PLXDC2: variants seen among roughly 807,000 people sequenced by gnomAD.
The protein encoded by PLXDC2 is plexin domain-containing protein 2.
A neutral mutation model predicts 68.9 loss-of-function variants in PLXDC2; 40 were observed. That is an observed-to-expected ratio of 0.58 (90% CI 0.45 to 0.76). The LOEUF (loss-of-function observed/expected upper bound fraction) is 0.76. Ranked by LOEUF, PLXDC2 falls within the 30% of genes least tolerant of loss-of-function variation. PLXDC2 has a pLI of 0.00. For missense variants in PLXDC2, 644 were observed against 661.9 expected, an observed-to-expected ratio of 0.97 and a Z score of 0.30; for synonymous variants, 243 against 234.2, an observed-to-expected ratio of 1.04 and a Z score of -0.34.
chr10:20,146,372 C>T (rs887857253), intron 5 of PLXDC2, among the ~76,000 whole-genome samples: 5 of 150,806 alleles, frequency 3.3e-5, no homozygotes, highest in African/African-American at 1.2e-4. Flanking sequence ...CTCCTTCCTT[C>T]CTCCCTCCCT....
intron 1 of PLXDC2, among the ~76,000 whole-genome samples, chr10:19,891,702 T>C (rs911336676): frequency 1.1e-4 from 16 of 152,210 alleles, no homozygotes; most frequent in Admixed American, 6.5e-5. Flanking sequence ...CTAGGCATGA[T>C]TGAGGAAACT....
At chr10:20,211,773 A>G (rs1340486729) in intron 10 of PLXDC2, 44 bp downstream of exon 10, 1 of 1,573,840 alleles carries the variant, frequency 6.4e-7, no homozygotes, top group Non-Finnish European at 8.7e-7. Context: ...CCAAGCTGTC[A>G]TATACATGTG....
intron 13 of PLXDC2, among the ~76,000 whole-genome samples, chr10:20,263,041 C>A (rs969726732): frequency 6.6e-6 from 1 of 152,192 alleles, no homozygotes; most frequent in African/African-American, 2.4e-5. Flanking sequence ...CTTATTCACA[C>A]CTCCAAAAAG....
chr10:20,051,395 A>AATATATAT (rs57093355), intron 3 of PLXDC2, among the ~76,000 whole-genome samples: 122 of 118,438 alleles, frequency 1.0e-3, no homozygotes, highest in South Asian at 1.6e-3. Context: ...ATAAAGGTTA[A>AATATATAT]ATATATATAT....
chr10:19,933,085 G>C (rs1306143892), intron 1 of PLXDC2, among the ~76,000 whole-genome samples: 2 of 152,316 alleles, frequency 1.3e-5, no homozygotes, highest in East Asian at 3.9e-4. Flanking sequence ...AGTGTTGTTA[G>C]TTAGGCCTGG....
At chr10:20,171,250 T>C (rs1305032809) in intron 7 of PLXDC2, among the ~76,000 whole-genome samples, 1 of 152,184 alleles carries the variant, frequency 6.6e-6, no homozygotes, top group Non-Finnish European at 1.5e-5. Context: ...ATTTTCAAAG[T>C]TGTAGTCTTC....
At chr10:19,885,971 T>C (rs990239721) in intron 1 of PLXDC2, among the ~76,000 whole-genome samples, 1 of 152,188 alleles carries the variant, frequency 6.6e-6, no homozygotes, top group Non-Finnish European at 1.5e-5. Context: ...TGATATTGAT[T>C]CTTCCTACCC....
At chr10:20,118,463 A>T (rs1009208632) in intron 4 of PLXDC2, among the ~76,000 whole-genome samples, 1 of 152,234 alleles carries the variant, frequency 6.6e-6, no homozygotes, top group Non-Finnish European at 1.5e-5. Flanking sequence ...ATGTCAAGGC[A>T]TAGACCTAAT....
intron 1 of PLXDC2, among the ~76,000 whole-genome samples, chr10:19,920,836 G>A (rs530069061): frequency 6.6e-6 from 1 of 152,286 alleles, no homozygotes; most frequent in East Asian, 1.9e-4. Context: ...GAGATTATAG[G>A]CATGAGCTAC....
At chr10:20,074,877 T>TATG (rs1836412760) in intron 4 of PLXDC2, among the ~76,000 whole-genome samples, 1 of 151,906 alleles carries the variant, frequency 6.6e-6, no homozygotes, top group South Asian at 2.1e-4. Context: ...TTATTATTAT[T>TATG]ATTAACAGAG....
chr10:20,081,740 A>T (rs1369691791), intron 4 of PLXDC2, among the ~76,000 whole-genome samples: 1 of 152,160 alleles, frequency 6.6e-6, no homozygotes, highest in African/African-American at 2.4e-5. Context: ...AGGTCATTAA[A>T]TAAAAACAGG....
intron 9 of PLXDC2, among the ~76,000 whole-genome samples, chr10:20,206,014 A>G (rs1834986352): frequency 1.3e-5 from 2 of 152,036 alleles, no homozygotes; most frequent in South Asian, 2.1e-4. Context: ...AATTGCTTAG[A>G]CGGTAAATGT....
intron 1 of PLXDC2, among the ~76,000 whole-genome samples, chr10:19,948,295 C>G (rs989870601): frequency 6.6e-6 from 1 of 151,766 alleles, no homozygotes; most frequent in African/African-American, 2.4e-5. Context: ...TGCCATTTCT[C>G]AAATTTCAAT....
intron 1 of PLXDC2, among the ~76,000 whole-genome samples, chr10:19,856,974 C>T (rs567453461): frequency 6.6e-6 from 1 of 152,146 alleles, no homozygotes; most frequent in South Asian, 2.1e-4. Context: ...TGAGTTTCTG[C>T]TGTGGCTCTT....
chr10:19,983,794 C>T (rs1465251687), intron 1 of PLXDC2, among the ~76,000 whole-genome samples: 1 of 152,130 alleles, frequency 6.6e-6, no homozygotes, highest in Admixed American at 6.6e-5. Flanking sequence ...TGCAGGACTG[C>T]AGGCCCACCT....
rs762365792 is a variant in PLXDC2 at position 20,012,334 on chromosome 10, TG to T, written c.324+10350del. 3.2e-4 allele frequency among the ~76,000 whole-genome samples: 12 copies of T among 37,738 alleles called. 6 individuals carry two copies. Among genetic ancestry groups the T allele is most frequent in the South Asian group, 2.6e-3 (2 of 760 alleles). 24.8% of individuals were successfully genotyped at this position (37,738 alleles called of 152,430 possible). Reference sequence around the variant, plus strand: ...TATTTTTTTTTTTTTTTTTTTTTTTTGGAGAAGGAGACTTGCTGTGTTTCCC... The same window carrying T: ...TATTTTTTTTTTTTTTTTTTTTTTTTGAGAAGGAGACTTGCTGTGTTTCCC... On this transcript the variant is annotated intron_variant, in intron 2 of 13. Transcript: ENST00000377252.
intron 1 of PLXDC2, among the ~76,000 whole-genome samples, chr10:19,836,018 A>G (rs2131313411): frequency 6.6e-6 from 1 of 152,134 alleles, no homozygotes; most frequent in South Asian, 2.1e-4. Flanking sequence ...CAAAAATAAA[A>G]ATAAAAAAAT....
At chr10:20,123,961 G>A (rs937984755) in intron 4 of PLXDC2, among the ~76,000 whole-genome samples, 2 of 151,836 alleles carry the variant, frequency 1.3e-5, no homozygotes, top group African/African-American at 2.4e-5. Flanking sequence ...CTAGAAAAGC[G>A]GGACTTGCTG....
At chr10:20,028,073 T>A (rs978039694) in intron 2 of PLXDC2, among the ~76,000 whole-genome samples, 1 of 152,218 alleles carries the variant, frequency 6.6e-6, no homozygotes, top group African/African-American at 2.4e-5. Flanking sequence ...ACTTTATAGA[T>A]TTCTAAAGTC....
Sources: gnomAD v4.1 joint callset for allele counts (sites outside exome capture counted in the v4.1 genomes callset) on GRCh38, gnomAD v4.1.1 for gene constraint, MANE v1.5 for transcripts, NCBI Gene and HGNC (gene_info 2026-07-23, HGNC 2026-07-21) for gene names.